NXNL2: variants seen among roughly 807,000 people sequenced by gnomAD.
The protein encoded by NXNL2 is nucleoredoxin-like protein 2.
A neutral mutation model predicts 11.1 loss-of-function variants in NXNL2; 7 were observed. The observed-to-expected ratio is 0.63, with a 90% CI of 0.36 to 1.18. The LOEUF is 1.18. Ranked by LOEUF, NXNL2 falls within the 50% of genes most tolerant of loss-of-function variation. The pLI is 0.02. For missense variants in NXNL2, 233 were observed against 217.7 expected, an observed-to-expected ratio of 1.07 and a Z score of -0.44; for synonymous variants, 109 against 101.8, an observed-to-expected ratio of 1.07 and a Z score of -0.42.
At position 88,569,901 on chromosome 9, in the gene NXNL2, A is replaced by G. The variant is rs562505208; in HGVS notation, c.303-1186A>G. ...TTGCAGAGATTGTTTTTTGTATGCT[A>G]TTTCTTCTGCACTTTTTGCCCCCAG... On this transcript the variant is annotated intron_variant, in intron 1 of 2. Coordinates refer to the NXNL2 transcript ENST00000375855. Among the ~76,000 whole-genome samples the G allele has an allele frequency of 2.2e-4, 33 of 152,018 alleles. 1 individual carries two copies. In the East Asian group the frequency reaches 5.4e-3, roughly 25 times the overall value.
chr9:88,563,817 A>G (rs1437062524), intron 1 of NXNL2, among the ~76,000 whole-genome samples: 2 of 151,768 alleles, frequency 1.3e-5, no homozygotes, highest in Non-Finnish European at 2.9e-5. Flanking sequence ...ACTCTTTCCA[A>G]TTGTTCACAC....
rs1400722705 is a variant in NXNL2 at position 88,544,465 on chromosome 9, G to A, written c.389G>A (p.Arg130Gln). 8.4e-6 allele frequency: 13 copies of A among 1,551,708 alleles called. No homozygotes were observed. Among genetic ancestry groups the A allele is most frequent in the South Asian group, 4.8e-5 (4 of 84,064 alleles). ...QNGEVITNKG[R>Q]KQIRERGLAC... ...GGGGAGGTCATCACCAACAAAGGGC[G>A]GAAGCAGATCCGGGAACGGGGGTTG... is the stretch of plus-strand genomic sequence containing the variant. Residue 130 changes from arginine (R) to glutamine (Q), a missense_variant, in exon 2 of 2, where the codon CGG becomes CAG. Arg to Gln is a conservative substitution (Grantham distance 43). Coordinates refer to ENST00000375854, the MANE Select transcript of NXNL2 (RefSeq NM_001161625.2).
intron 1 of NXNL2, among the ~76,000 whole-genome samples, chr9:88,554,587 G>A (rs1829986671): frequency 1.3e-5 from 2 of 152,162 alleles, no homozygotes; most frequent in Admixed American, 6.5e-5. Flanking sequence ...ATTTCTTTAT[G>A]TTGATAATAA....
intron 1 of NXNL2, among the ~76,000 whole-genome samples, chr9:88,566,990 AT>A (rs1830181794): frequency 3.4e-5 from 5 of 149,242 alleles, no homozygotes; most frequent in African/African-American, 1.3e-4. Flanking sequence ...CTATCTATCT[AT>A]CTATCTATCT....
downstream of NXNL2, among the ~76,000 whole-genome samples, chr9:88,577,816 A>G (rs1470699973): frequency 4.6e-5 from 7 of 152,200 alleles, no homozygotes; most frequent in Non-Finnish European, 7.3e-5. Context: ...GGGCATCAAC[A>G]TATGAACTAC....
intron 2 of NXNL2, chr9:88,575,060 C>T (rs542121870): frequency 1.2e-6 from 1 of 832,724 alleles, no homozygotes; most frequent in African/African-American, 1.9e-5. Flanking sequence ...GCACTAAGCT[C>T]ACCCTCCCCT....
chr9:88,559,542 C>T (rs909068012), intron 1 of NXNL2, among the ~76,000 whole-genome samples: 2 of 152,222 alleles, frequency 1.3e-5, no homozygotes, highest in African/African-American at 4.8e-5. Flanking sequence ...CTTGCTCGAC[C>T]TCATCCCTGC....
intron 1 of NXNL2, among the ~76,000 whole-genome samples, chr9:88,557,812 C>T (rs1830037559): frequency 6.6e-6 from 1 of 152,136 alleles, no homozygotes; most frequent in South Asian, 2.1e-4. Context: ...AGCATAATTT[C>T]CAGGAGGGAT....
intron 1 of NXNL2, among the ~76,000 whole-genome samples, chr9:88,552,471 A>G (rs922874855): frequency 3.1e-5 from 4 of 129,948 alleles, no homozygotes; most frequent in African/African-American, 1.4e-4. Flanking sequence ...TTAAACATGC[A>G]TGTTTTTTTT....
At chr9:88,568,396 G>C (rs753816830) in intron 1 of NXNL2, among the ~76,000 whole-genome samples, 8 of 152,136 alleles carry the variant, frequency 5.3e-5, no homozygotes, top group Admixed American at 4.6e-4. Flanking sequence ...CGGGGGTGTC[G>C]TCCCTGGCCA....
rs1221811901 is a variant in NXNL2 at position 88,544,923 on chromosome 9, T to C, written c.*376T>C. 1.4e-5 allele frequency: 14 copies of C among 981,722 alleles called. No homozygotes were observed. Among genetic ancestry groups the C allele is most frequent in the African/African-American group, 1.7e-5 (1 of 57,204 alleles). 60.8% of individuals were successfully genotyped at this position (981,722 alleles called of 1,614,324 possible). On this transcript the variant is annotated 3_prime_UTR_variant, in exon 2 of 2. Transcript: ENST00000375854. ...TTTTCTGGCGATCTGTTTATTTTAATGGTATGCTTTCACAACTATCTTAAT... is the reference window on the plus strand; with the variant it reads ...TTTTCTGGCGATCTGTTTATTTTAACGGTATGCTTTCACAACTATCTTAAT...
chr9:88,545,187 G>C (rs1829830850), downstream of NXNL2, among the ~76,000 whole-genome samples: 2 of 152,140 alleles, frequency 1.3e-5, no homozygotes, highest in South Asian at 4.1e-4. Flanking sequence ...AAATTTTCAA[G>C]GGTGTGTTTT....
At position 88,544,492 on chromosome 9, in the gene NXNL2, C is replaced by A. The variant is rs371921367; in HGVS notation, c.416C>A (p.Ala139Asp). 1.3e-6 allele frequency: 2 copies of A among 1,551,138 alleles called. No individual in the cohort carries two copies. The highest frequency in any genetic ancestry group is 1.7e-6 in the Non-Finnish European group (2 of 1,146,764). ...AAGCAGATCCGGGAACGGGGGTTGG[C>A]CTGCTTCCAGGACTGGGTGGAGGCG... ...GRKQIRERGL[A>D]CFQDWVEAAD... The change falls in exon 2 of 2, where the codon GCC (alanine) becomes GAC (aspartate). Residue 139 changes from alanine (A) to aspartate (D), a missense_variant. Coordinates refer to ENST00000375854, the MANE Select transcript of NXNL2 (RefSeq NM_001161625.2).
chr9:88,559,725 G>A (rs77087684), intron 1 of NXNL2, among the ~76,000 whole-genome samples: 6 of 152,156 alleles, frequency 3.9e-5, no homozygotes, highest in African/African-American at 1.2e-4. Flanking sequence ...GAACAATCAC[G>A]ACCAGTAAGT....
At chr9:88,583,658 T>C (rs1288893063) in intron 1 of NXNL2, among the ~76,000 whole-genome samples, 3 of 152,204 alleles carry the variant, frequency 2.0e-5, no homozygotes, top group Non-Finnish European at 4.4e-5. Flanking sequence ...GTGGATTGAA[T>C]TGTGTCCTGC....
At chr9:88,538,593 T>C (rs1829680634) in intron 1 of NXNL2, among the ~76,000 whole-genome samples, 1 of 152,164 alleles carries the variant, frequency 6.6e-6, no homozygotes, top group Admixed American at 6.5e-5. Flanking sequence ...TGCGCATTCC[T>C]GTACTTTCCT....
chr9:88,553,010 G>C (rs915694484), intron 1 of NXNL2, among the ~76,000 whole-genome samples: 7 of 152,134 alleles, frequency 4.6e-5, no homozygotes, highest in Admixed American at 4.6e-4. Context: ...TGAAATCCTG[G>C]ATGATATCCT....
At chr9:88,581,307 G>A (rs1398799681) in intron 1 of NXNL2, among the ~76,000 whole-genome samples, 1 of 152,210 alleles carries the variant, frequency 6.6e-6, no homozygotes, top group African/African-American at 2.4e-5. Flanking sequence ...AGCTGGCTGG[G>A]GGTCCACAAG....
At position 88,540,872 on chromosome 9, in the gene NXNL2, C is replaced by T. The variant is rs549143872; in HGVS notation, c.303-3507C>T. On this transcript the variant is annotated intron_variant, in intron 1 of 1. Transcript: ENST00000375854. Reference sequence around the variant, plus strand: ...GTCCACACTGGGCCTGTGTAATGACCAGGTTGGCCTCATTTTTGATATTCT... The same window carrying T: ...GTCCACACTGGGCCTGTGTAATGACTAGGTTGGCCTCATTTTTGATATTCT... Among the ~76,000 whole-genome samples, 7 of 151,360 alleles carry T rather than the reference C, an allele frequency of 4.6e-5. No individual in the cohort carries two copies. In the East Asian group the frequency reaches 9.7e-4, roughly 21 times the overall value.
Sources: gnomAD v4.1 joint callset for allele counts (sites outside exome capture counted in the v4.1 genomes callset) on GRCh38, gnomAD v4.1.1 for gene constraint, MANE v1.5 for transcripts, NCBI Gene and HGNC (gene_info 2026-07-23, HGNC 2026-07-21) for gene names.